CCDC170: variants seen among roughly 807,000 people sequenced by gnomAD.
The protein encoded by CCDC170 is coiled-coil domain containing 170.
A neutral mutation model predicts 72.6 loss-of-function variants in CCDC170; 69 were observed. The observed-to-expected ratio is 0.95, with a 90% CI of 0.78 to 1.16. The LOEUF (loss-of-function observed/expected upper bound fraction) is 1.16. Ranked by LOEUF, CCDC170 falls within the 50% of genes most tolerant of loss-of-function variation. The pLI is 0.00. For missense variants in CCDC170, 852 were observed against 832.5 expected (o/e 1.02, Z -0.29); for synonymous variants, 300 against 303.9 (o/e 0.99, Z 0.13).
chr6:151,545,624 T>A (rs982366023), intron 4 of CCDC170, among the ~76,000 whole-genome samples: 2 of 151,952 alleles, frequency 1.3e-5, no homozygotes, highest in Non-Finnish European at 2.9e-5. Context: ...GTTGTTGTTT[T>A]TTTTTTTTGT....
At chr6:151,497,867 T>C (rs904077565) in intron 1 of CCDC170, among the ~76,000 whole-genome samples, 1 of 134,946 alleles carries the variant, frequency 7.4e-6, no homozygotes, top group Non-Finnish European at 1.5e-5. Flanking sequence ...TCCCAGTTAC[T>C]GGGGAGGCTG....
At chr6:151,578,765 A>G (rs547941754) in intron 6 of CCDC170, among the ~76,000 whole-genome samples, 138 of 152,320 alleles carry the variant, frequency 9.1e-4, no homozygotes, top group Admixed American at 2.2e-3. Flanking sequence ...GTACCTGATA[A>G]CTTACATATT....
At chr6:151,572,775 G>A (rs753508979) in intron 5 of CCDC170, among the ~76,000 whole-genome samples, 9 of 150,670 alleles carry the variant, frequency 6.0e-5, no homozygotes, top group Non-Finnish European at 1.0e-4. Context: ...TCAGGCTCCC[G>A]AGTAGCTGGG....
At chr6:151,580,920 A>C (rs1776370937) in intron 6 of CCDC170, among the ~76,000 whole-genome samples, 1 of 152,250 alleles carries the variant, frequency 6.6e-6, no homozygotes, top group Non-Finnish European at 1.5e-5. Context: ...TGTTTATACT[A>C]GACTATGTAG....
intron 7 of CCDC170, among the ~76,000 whole-genome samples, chr6:151,591,678 G>A (rs1305164566): frequency 6.6e-6 from 1 of 151,940 alleles, no homozygotes; most frequent in Non-Finnish European, 1.5e-5. Flanking sequence ...TGTATTTTTA[G>A]TAGAGACGGG....
intron 9 of CCDC170, among the ~76,000 whole-genome samples, chr6:151,611,282 A>G (rs1034239263): frequency 3.2e-4 from 49 of 152,306 alleles, no homozygotes; most frequent in African/African-American, 1.1e-3. Context: ...TCTGAAAAAA[A>G]AAAAGAAAGA....
chr6:151,515,929 G>T (rs1028116570), intron 1 of CCDC170, among the ~76,000 whole-genome samples: 1 of 152,070 alleles, frequency 6.6e-6, no homozygotes, highest in African/African-American at 2.4e-5. Context: ...AGCTGGGTGT[G>T]GTGGCACATG....
chr6:151,527,050 ATTTTTT>A (rs56941290), intron 1 of CCDC170, among the ~76,000 whole-genome samples: 11 of 69,682 alleles, frequency 1.6e-4, no homozygotes, highest in African/African-American at 4.5e-4. Context: ...ATGCTTAGCT[ATTTTTT>A]TTTTTTTTTT....
intron 10 of CCDC170, among the ~76,000 whole-genome samples, chr6:151,617,408 C>CT (rs745655791): frequency 4.4e-5 from 4 of 91,470 alleles, no homozygotes; most frequent in Non-Finnish European, 6.4e-5. Context: ...GCTGTTTGTT[C>CT]TTTTTTTTTT....
intron 9 of CCDC170, among the ~76,000 whole-genome samples, chr6:151,609,955 C>A (rs1776844045): frequency 6.6e-6 from 1 of 152,220 alleles, no homozygotes; most frequent in African/African-American, 2.4e-5. Context: ...AAGCTGTGTT[C>A]CATCACCTTT....
At chr6:151,562,815 G>A (rs1023823472) in intron 5 of CCDC170, among the ~76,000 whole-genome samples, 1 of 152,142 alleles carries the variant, frequency 6.6e-6, no homozygotes, top group Admixed American at 6.5e-5. Flanking sequence ...TTTTGGGGGA[G>A]GAGTGGGTGG....
rs543204153 is a variant in CCDC170, at chr6:151,565,924, T to A, written c.775-7250T>A. 3.3e-5 allele frequency among the ~76,000 whole-genome samples: 5 copies of A among 152,310 alleles called. No individual in the cohort carries two copies. In the East Asian group the frequency reaches 9.7e-4, roughly 29 times the overall value. On this transcript the variant is annotated intron_variant, in intron 5 of 10. Transcript: ENST00000239374. ...ATCTTAGCATGTGATGCTGAGCACATTCCATTTTGCCGTGTCCCTTTTACA... is the reference window on the plus strand; with the variant it reads ...ATCTTAGCATGTGATGCTGAGCACAATCCATTTTGCCGTGTCCCTTTTACA...
chr6:151,509,662 A>G (rs1488040444), intron 1 of CCDC170, among the ~76,000 whole-genome samples: 2 of 152,236 alleles, frequency 1.3e-5, no homozygotes, highest in Non-Finnish European at 2.9e-5. Flanking sequence ...AAAGAGATTT[A>G]TGAATTAATT....
At chr6:151,496,807 C>A (rs567405942) in intron 1 of CCDC170, among the ~76,000 whole-genome samples, 9 of 152,304 alleles carry the variant, frequency 5.9e-5, no homozygotes, top group African/African-American at 2.2e-4. Context: ...AATGTATCAG[C>A]ATTTTAGTTT....
At chr6:151,562,041 A>G (rs1056058434) in intron 5 of CCDC170, among the ~76,000 whole-genome samples, 1 of 151,948 alleles carries the variant, frequency 6.6e-6, no homozygotes, top group East Asian at 1.9e-4. Flanking sequence ...TTTTGAAATT[A>G]CTTTAGTGAT....
At position 151,536,415 on chromosome 6, in the gene CCDC170, C is replaced by A; in HGVS notation, c.155C>A (p.Thr52Asn). ...AATGCTCGAAGTGAACTTGCAGCAACTTTGGTCAAATTTGAATGTGCTCAG... is the reference window on the plus strand; with the variant it reads ...AATGCTCGAAGTGAACTTGCAGCAAATTTGGTCAAATTTGAATGTGCTCAG... ...AQNARSELAA[T>N]LVKFECAQSE... Residue 52 changes from threonine (T) to asparagine (N), a missense_variant, in exon 2 of 11, where the codon ACT (threonine) becomes AAT (asparagine). Physicochemically the swap from Thr to Asn is moderately conservative, Grantham distance 65 (BLOSUM62 0). Transcript: ENST00000239374. The A allele has an allele frequency of 1.9e-6, 3 of 1,614,078 alleles. No homozygotes were observed. Among genetic ancestry groups the A allele is most frequent in the Non-Finnish European group, 2.5e-6 (3 of 1,179,984 alleles).
rs546617373 is a variant in CCDC170, at chr6:151,620,060, G to C, written c.*1913G>C. 1.3e-5 allele frequency: 2 copies of C among 151,814 alleles called. No individual in the cohort carries two copies. The highest frequency in any genetic ancestry group is 4.2e-4 in the South Asian group (2 of 4,806). 9.4% of individuals were successfully genotyped at this position (151,814 alleles called of 1,614,324 possible). A position where few individuals can be genotyped will look rare whatever the true frequency, so the allele number is the denominator to read the frequency against. On this transcript the variant is annotated 3_prime_UTR_variant, in exon 11 of 11. Transcript: ENST00000239374. ...ATTTTTTAAGCTTGACAAATGCACT[G>C]ATTGTTATACTTTAAATAACTAAAA...
intron 8 of CCDC170, 150 bp downstream of exon 8, chr6:151,593,430 G>A (rs1370044667): frequency 1.2e-6 from 1 of 846,594 alleles, no homozygotes; most frequent in Non-Finnish European, 1.8e-6. Context: ...TCAATTTCAA[G>A]TCTGAAGAGT....
At chr6:151,546,972 C>T (rs1010387793) in intron 4 of CCDC170, among the ~76,000 whole-genome samples, 3 of 147,850 alleles carry the variant, frequency 2.0e-5, no homozygotes, top group Non-Finnish European at 4.4e-5. Flanking sequence ...ATCTCGGCCA[C>T]GTGAGCAGGT....
Sources: allele counts gnomAD v4.1 joint callset (sites outside exome capture counted in the v4.1 genomes callset), GRCh38; gene constraint gnomAD v4.1.1; transcripts MANE v1.5; gene names NCBI Gene and HGNC (gene_info 2026-07-23, HGNC 2026-07-21).